The following KAZN variants were observed in gnomAD, a reference collection of about 807,000 sequenced individuals.
KAZN encodes the protein kazrin, periplakin interacting protein.
KAZN carries 40 observed loss-of-function variants against 87.4 expected under a neutral mutation model. The ratio of observed to expected loss-of-function variants is 0.46; its 90% CI spans 0.36 to 0.60. KAZN has a LOEUF of 0.60. KAZN is among the 20% of genes least tolerant of loss of function. The pLI is 0.00. For synonymous variants in KAZN, 466 were observed against 458.3 expected, an observed-to-expected ratio of 1.02 and a Z score of -0.22; for missense variants, 898 against 1,073.9, an observed-to-expected ratio of 0.84 and a Z score of 2.29.
intron 2 of KAZN, among the ~76,000 whole-genome samples, chr1:14,573,887 GA>G (rs375500863): frequency 5.9e-5 from 9 of 151,434 alleles, no homozygotes; most frequent in Admixed American, 3.3e-4. Context: ...TCTTAATAAA[GA>G]AAAAAAAGTC....
intron 2 of KAZN, among the ~76,000 whole-genome samples, chr1:14,376,751 T>C (rs777044975): frequency 3.3e-5 from 5 of 152,222 alleles, no homozygotes; most frequent in Non-Finnish European, 5.9e-5. Flanking sequence ...CAGTGTGTTA[T>C]GGTTAAATGG....
upstream of KAZN, among the ~76,000 whole-genome samples, chr1:14,595,910 C>A (rs964949905): frequency 3.3e-5 from 5 of 151,918 alleles, no homozygotes; most frequent in Non-Finnish European, 7.4e-5. Context: ...CTAGGAGGCA[C>A]CCCAGGAGTT....
intron 1 of KAZN, among the ~76,000 whole-genome samples, chr1:14,896,279 T>A (rs1046190409): frequency 7.2e-5 from 11 of 152,124 alleles, no homozygotes; most frequent in Non-Finnish European, 1.6e-4. Flanking sequence ...GGTCTCAATC[T>A]CTTGACCTCG....
At chr1:15,073,408 C>T (rs961399214) in intron 8 of KAZN, among the ~76,000 whole-genome samples, 1 of 152,134 alleles carries the variant, frequency 6.6e-6, no homozygotes, top group Non-Finnish European at 1.5e-5. Context: ...GCGTAGTGCC[C>T]GTGGGTTGGA....
chr1:14,614,401 C>T (rs945937403), intron 1 of KAZN, among the ~76,000 whole-genome samples: 1 of 152,188 alleles, frequency 6.6e-6, no homozygotes, highest in Non-Finnish European at 1.5e-5. Context: ...TCTCTTCCTT[C>T]GTGTTTGGTT....
At position 15,096,043 on chromosome 1, in the gene KAZN, T is replaced by C. The variant is rs1018738025; in HGVS notation, c.1547+1110T>C. ...CATGAGGGCAACCCCTGCTGGGCTTTCCTTCCTGAGGGTCCCAAAAACACC... is the reference window on the plus strand; with the variant it reads ...CATGAGGGCAACCCCTGCTGGGCTTCCCTTCCTGAGGGTCCCAAAAACACC... On this transcript the variant is annotated intron_variant, in intron 10 of 14. Transcript: ENST00000376030. The surrounding 1 kb of genome is among the most constrained non-coding windows in gnomAD (Gnocchi z 4.5). Among the ~76,000 whole-genome samples, 2 of 152,124 alleles carry C rather than the reference T, an allele frequency of 1.3e-5. No homozygotes were observed. The highest frequency in any genetic ancestry group is 4.8e-5 in the African/African-American group (2 of 41,418).
At chr1:14,664,360 G>A (rs1222476040) in intron 1 of KAZN, among the ~76,000 whole-genome samples, 1 of 152,150 alleles carries the variant, frequency 6.6e-6, no homozygotes, top group Non-Finnish European at 1.5e-5. Flanking sequence ...TTAAACCTGG[G>A]GGGCAGAGGT....
chr1:15,091,384 G>A (rs886692288), intron 8 of KAZN, among the ~76,000 whole-genome samples: 57 of 152,176 alleles, frequency 3.7e-4, no homozygotes, highest in African/African-American at 1.3e-3. Flanking sequence ...TTGTTCTGTC[G>A]CCCAGACTGG....
intron 1 of KAZN, among the ~76,000 whole-genome samples, chr1:14,918,289 TTC>T (rs1306524605): frequency 6.6e-6 from 1 of 152,180 alleles, no homozygotes; most frequent in Non-Finnish European, 1.5e-5. Flanking sequence ...ACACCTTCTC[TTC>T]TCTTTCTTGG....
chr1:14,818,443 C>T (rs59888398), intron 1 of KAZN, among the ~76,000 whole-genome samples: 36,038 of 152,146 alleles, frequency 0.24, 4,583 homozygotes, highest in African/African-American at 0.31. Flanking sequence ...AGCAGGGAGG[C>T]GATACCACCT....
At chr1:15,026,882 G>A (rs1403131946) in intron 2 of KAZN, among the ~76,000 whole-genome samples, 1 of 152,098 alleles carries the variant, frequency 6.6e-6, no homozygotes, top group Non-Finnish European at 1.5e-5. Flanking sequence ...TACACGGGAG[G>A]ACGTGTGTAG....
At chr1:14,791,653 G>A (rs77345612) in intron 1 of KAZN, among the ~76,000 whole-genome samples, 10 of 152,304 alleles carry the variant, frequency 6.6e-5, no homozygotes, top group South Asian at 4.1e-4. Context: ...CACTGAGGAC[G>A]GCGAGAGTGA....
chr1:14,673,372 C>G (rs750813133), intron 1 of KAZN, among the ~76,000 whole-genome samples: 5 of 152,180 alleles, frequency 3.3e-5, no homozygotes, highest in Non-Finnish European at 5.9e-5. Flanking sequence ...TCAAAGTGGC[C>G]CATTGCACTG....
chr1:14,484,154 T>C (rs1259103026), intron 2 of KAZN, among the ~76,000 whole-genome samples: 1 of 152,236 alleles, frequency 6.6e-6, no homozygotes, highest in African/African-American at 2.4e-5. Flanking sequence ...GATGGTGTTT[T>C]AATTACTCTA....
At chr1:14,645,307 T>C (rs947583542) in intron 1 of KAZN, among the ~76,000 whole-genome samples, 9 of 152,218 alleles carry the variant, frequency 5.9e-5, no homozygotes, top group African/African-American at 2.2e-4. Flanking sequence ...TCCATATGAA[T>C]TCTAAAATAG....
At chr1:14,134,966 C>A (rs910422529) in intron 1 of KAZN, among the ~76,000 whole-genome samples, 1 of 55,904 alleles carries the variant, frequency 1.8e-5, no homozygotes, top group South Asian at 9.5e-4. Flanking sequence ...TGCATATGCA[C>A]CCGCACACAC....
rs140357383 is a variant in KAZN at position 14,421,875 on chromosome 1, ACT to A, written c.250-177105_250-177104del. On this transcript the variant is annotated intron_variant, in intron 2 of 16. Transcript: ENST00000636203. Reference sequence around the variant, plus strand: ...ACTTACTACACTGGGTCCTGGGGAAACTCTTCCCCTTGTCTGAATAACCAACT... The same window carrying A: ...ACTTACTACACTGGGTCCTGGGGAAACTTCCCCTTGTCTGAATAACCAACT... Among the ~76,000 whole-genome samples the A allele has an allele frequency of 8.0e-3, 1,222 of 152,086 alleles. 14 individuals are homozygous for A. Among genetic ancestry groups the A allele is most frequent in the African/African-American group, 0.028 (1,144 of 41,482 alleles).
At chr1:14,983,627 G>C (rs1264767949) in intron 2 of KAZN, among the ~76,000 whole-genome samples, 1 of 152,166 alleles carries the variant, frequency 6.6e-6, no homozygotes, top group African/African-American at 2.4e-5. Flanking sequence ...TCACTGCACA[G>C]TCTTTGTAGG....
At chr1:14,816,728 CTAGA>C (rs1305342595) in intron 1 of KAZN, among the ~76,000 whole-genome samples, 3 of 151,640 alleles carry the variant, frequency 2.0e-5, no homozygotes, top group Non-Finnish European at 4.4e-5. Context: ...ACATACATAT[CTAGA>C]TAGATAAATA....
Sources: gnomAD v4.1 joint callset for allele counts (sites outside exome capture counted in the v4.1 genomes callset) on GRCh38, gnomAD v4.1.1 for gene constraint, Gnocchi (gnomAD v3.1) non-coding constraint, MANE v1.5 for transcripts, NCBI Gene and HGNC (gene_info 2026-07-23, HGNC 2026-07-21) for gene names.